The following GHR variants were observed in gnomAD, a reference collection of about 807,000 sequenced individuals.
GHR encodes growth hormone receptor, also known as GH receptor.
Under a neutral mutation model 67.1 loss-of-function variants are expected in GHR, and 35 were observed. That is an observed-to-expected ratio of 0.52 (90% confidence interval 0.40 to 0.69). GHR has a LOEUF of 0.69. Ranked by LOEUF, GHR falls within the 30% of genes least tolerant of loss-of-function variation. The pLI is 0.00. For missense variants in GHR, 792 were observed against 764.6 expected, an observed-to-expected ratio of 1.04 and a Z score of -0.42; for synonymous variants, 272 against 269.1, an observed-to-expected ratio of 1.01 and a Z score of -0.10.
At chr5:42,592,681 T>C (rs1751849929) in intron 2 of GHR, among the ~76,000 whole-genome samples, 1 of 152,212 alleles carries the variant, frequency 6.6e-6, no homozygotes, top group South Asian at 2.1e-4. Context: ...CATTTAGGTT[T>C]ATCCTGTGTC....
chr5:42,610,166 T>C (rs146426999), intron 2 of GHR, among the ~76,000 whole-genome samples: 27 of 152,306 alleles, frequency 1.8e-4, no homozygotes, highest in East Asian at 1.2e-3. Context: ...GGATAGCATG[T>C]TCAAGGGCAA....
intron 1 of GHR, among the ~76,000 whole-genome samples, chr5:42,477,866 G>T (rs1317175256): frequency 2.0e-5 from 3 of 152,132 alleles, no homozygotes; most frequent in East Asian, 3.9e-4. Flanking sequence ...TTCTTTTGCT[G>T]TGCAGAAGCT....
chr5:42,658,527 T>C (rs1755383472), intron 3 of GHR, among the ~76,000 whole-genome samples: 1 of 152,234 alleles, frequency 6.6e-6, no homozygotes, highest in Non-Finnish European at 1.5e-5. Context: ...TATCCATTGT[T>C]ATTTTTGCTT....
rs566549708 is a variant in GHR at position 42,578,185 on chromosome 5, C to G, written c.70+12241C>G. Among the ~76,000 whole-genome samples, 3 of 152,056 alleles carry G rather than the reference C, an allele frequency of 2.0e-5. No homozygotes were observed. In the East Asian group the frequency reaches 5.8e-4, roughly 29 times the overall value. ...TAGTCCCCCTTCTCAGTTGCAACAA[C>G]CAAAACAACTATAGACATTGCTAAG... On this transcript the variant is annotated intron_variant, in intron 2 of 9. Transcript: ENST00000230882.
intron 1 of GHR, among the ~76,000 whole-genome samples, chr5:42,531,155 C>A (rs1457463977): frequency 6.6e-6 from 1 of 151,958 alleles, no homozygotes; most frequent in African/African-American, 2.4e-5. Context: ...GTAATCCCAG[C>A]TACTCAGAGG....
intron 1 of GHR, among the ~76,000 whole-genome samples, chr5:42,494,416 A>T (rs1419625331): frequency 6.6e-6 from 1 of 152,050 alleles, no homozygotes; most frequent in African/African-American, 2.4e-5. Flanking sequence ...TTATTCAAAC[A>T]TGTTGAGGAA....
At position 42,474,869 on chromosome 5, in the gene GHR, C is replaced by CT. The variant is rs775591338; in HGVS notation, c.-12+50927dup. Among the ~76,000 whole-genome samples the CT allele has an allele frequency of 5.8e-3, 613 of 106,488 alleles. 3 individuals carry two copies. The highest frequency in any genetic ancestry group is 0.012 in the African/African-American group (354 of 29,054). 69.9% of individuals were successfully genotyped at this position (106,488 alleles called of 152,430 possible). On this transcript the variant is annotated intron_variant, in intron 1 of 9. Transcript: ENST00000230882. ...TAATAATTTTCTACAACATTTTTTT[C>CT]TTTTTTTTTTTTTGCCCTTTTTTTT...
intron 2 of GHR, among the ~76,000 whole-genome samples, chr5:42,614,200 T>A (rs1466737167): frequency 6.6e-6 from 1 of 152,114 alleles, no homozygotes; most frequent in Non-Finnish European, 1.5e-5. Flanking sequence ...CTATTTATTA[T>A]TAGTTTCAGA....
At chr5:42,491,767 T>C (rs1398604568) in intron 1 of GHR, among the ~76,000 whole-genome samples, 1 of 152,188 alleles carries the variant, frequency 6.6e-6, no homozygotes, top group African/African-American at 2.4e-5. Context: ...GGAAGTCTGC[T>C]GTCCAAGGGG....
At chr5:42,650,454 T>C (rs557836189) in intron 3 of GHR, among the ~76,000 whole-genome samples, 1 of 152,106 alleles carries the variant, frequency 6.6e-6, no homozygotes, top group Middle Eastern at 3.4e-3. Flanking sequence ...TTTTCTTATG[T>C]AGGTCATCAA....
At chr5:42,636,281 T>C (rs1185959779) in intron 3 of GHR, among the ~76,000 whole-genome samples, 1 of 151,920 alleles carries the variant, frequency 6.6e-6, no homozygotes, top group Non-Finnish European at 1.5e-5. Flanking sequence ...ATTTTCAGTA[T>C]GCCTATGTAC....
At chr5:42,700,112 T>G in intron 6 of GHR, 110 bp downstream of exon 6, 1 of 709,234 alleles carries the variant, frequency 1.4e-6, no homozygotes, top group Non-Finnish European at 2.6e-6. Context: ...TCATGCTGTA[T>G]GCTCCATAAT....
At chr5:42,562,989 G>A (rs564859089) in intron 1 of GHR, among the ~76,000 whole-genome samples, 20 of 152,250 alleles carry the variant, frequency 1.3e-4, no homozygotes, top group Admixed American at 1.3e-3. Flanking sequence ...TTTGCAGGCA[G>A]CTGCTTTCAA....
rs58942296 is a variant in GHR, at chr5:42,501,360, C to CT, written c.-11-64494dup. On this transcript the variant is annotated intron_variant, in intron 1 of 9. Transcript: ENST00000230882. ...TTAGTTCTACCTGCATTTAAATTAGCTTTTTTTTTTATCATTACATCAATG... is the reference window on the plus strand; with the variant it reads ...TTAGTTCTACCTGCATTTAAATTAGCTTTTTTTTTTTATCATTACATCAATG... 6.7e-3 allele frequency among the ~76,000 whole-genome samples: 1,004 copies of CT among 149,608 alleles called. 12 individuals carry two copies. Among genetic ancestry groups the CT allele is most frequent in the African/African-American group, 0.022 (894 of 40,886 alleles).
chr5:42,665,546 T>G (rs1287351997), intron 3 of GHR, among the ~76,000 whole-genome samples: 1 of 150,714 alleles, frequency 6.6e-6, no homozygotes, highest in Non-Finnish European at 1.5e-5. Flanking sequence ...AATTGAACAA[T>G]GAGAACACAT....
intron 1 of GHR, among the ~76,000 whole-genome samples, chr5:42,491,433 G>C (rs1477442501): frequency 3.3e-5 from 5 of 152,208 alleles, no homozygotes; most frequent in Non-Finnish European, 7.3e-5. Flanking sequence ...GAGGCAGGTA[G>C]ACCAGAATTC....
intron 3 of GHR, among the ~76,000 whole-genome samples, chr5:42,685,844 C>T (rs530600875): frequency 1.3e-5 from 2 of 152,024 alleles, no homozygotes; most frequent in African/African-American, 4.8e-5. Context: ...GATATTAGCC[C>T]TTTGTCAGAT....
In GHR at chr5:42,719,129, A is replaced by T; in HGVS notation, c.1622A>T (p.Lys541Ile). The T allele has an allele frequency of 3.1e-6, 5 of 1,614,134 alleles. No homozygotes were observed. Among genetic ancestry groups the T allele is most frequent in the Non-Finnish European group, 4.2e-6 (5 of 1,179,976 alleles). The change falls in exon 10 of 10, where the codon AAA (lysine) becomes ATA (isoleucine). Residue 541 changes from lysine (K) to isoleucine (I), a missense_variant. Lys to Ile is a moderately radical substitution (Grantham distance 102). Coordinates refer to ENST00000230882, the MANE Select transcript of GHR (RefSeq NM_000163.5). ...GCCTACTTCTGTGAGGCAGATGCCA[A>T]AAAGTGCATCCCTGTGGCTCCTCAC... ...DNAYFCEADA[K>I]KCIPVAPHIK...
rs1157040098 is a variant in GHR at position 42,489,958 on chromosome 5, AC to A, written c.-12+66004del. ...TCTGTAAAGAAGACGAGAAAAAAAA[AC>A]AATTTCAGTAGATTCTAAAAGAAAA... On this transcript the variant is annotated intron_variant, in intron 1 of 9. Transcript: ENST00000230882. 3.3e-5 allele frequency among the ~76,000 whole-genome samples: 5 copies of A among 152,334 alleles called. No homozygotes were observed. The East Asian group carries it at 5.8e-4, about 18-fold the overall frequency.
Sources: allele counts gnomAD v4.1 joint callset (sites outside exome capture counted in the v4.1 genomes callset), GRCh38; gene constraint gnomAD v4.1.1; transcripts MANE v1.5; gene names NCBI Gene and HGNC (gene_info 2026-07-23, HGNC 2026-07-21).